Variants in THY1 observed in about 807,000 individuals in gnomAD.
THY1 encodes the protein Thy-1 cell surface antigen, also known as thy-1 membrane glycoprotein.
In THY1, 10 loss-of-function variants were observed where a neutral mutation model predicts 14.9. The ratio of observed to expected loss-of-function variants is 0.67; its 90% CI spans 0.41 to 1.14. The LOEUF (loss-of-function observed/expected upper bound fraction) is 1.14, where lower values mean the gene tolerates loss of function less well. THY1 is among the 50% of genes most tolerant of loss of function. The pLI is 0.00. For missense variants in THY1, 159 were observed against 202.1 expected (o/e 0.79, Z 1.29); for synonymous variants, 80 against 90.0 (o/e 0.89, Z 0.63).
In THY1 at chr11:119,415,643, C is replaced by T. The variant is rs1861758860; in HGVS notation, c.*3765G>A. On this transcript the variant is annotated 3_prime_UTR_variant, in exon 4 of 4. Coordinates refer to ENST00000284240, the MANE Select transcript of THY1 (RefSeq NM_006288.5). ...GCCTCCATGAAGCTGCCACATTGGT[C>T]CTACCCACCCTCCATATGATGTGTC... 1.3e-5 allele frequency among the ~76,000 whole-genome samples: 2 copies of T among 152,214 alleles called. No individual in the cohort carries two copies. The highest frequency in any genetic ancestry group is 2.9e-5 in the Non-Finnish European group (2 of 68,038).
Position 119,417,377 on chromosome 11 carries a change from A to G in THY1, c.*2031T>C, listed in dbSNP as rs1861798754. 1.3e-5 allele frequency: 2 copies of G among 152,372 alleles called. No homozygotes were observed. The allele number at this position is 152,372 out of a possible 1,614,324, so 9.4% of individuals were successfully genotyped here. ...GGTAGCAAGAGTGGGAGCCGGTGGC[A>G]TAATTTAGATCTGAGGCCTTTAAGA... is the stretch of plus-strand genomic sequence containing the variant. On this transcript the variant is annotated 3_prime_UTR_variant, in exon 4 of 4. Transcript: ENST00000284240.
At position 119,420,930 on chromosome 11, in the gene THY1, C is replaced by T; in HGVS notation, c.-24-1G>A. The T allele has an allele frequency of 6.2e-7, 1 of 1,614,104 alleles. No homozygotes were observed. ...TGGTTCTGGGATCTCAGTCCTGGAT[C>T]TGGGGTGGGAACAGGATGGGAATCA... On this transcript the variant is annotated splice_acceptor_variant, in intron 1 of 3. Transcript: ENST00000284240. LOFTEE classifies it low-confidence loss of function (5UTR_SPLICE).
intron 2 of THY1, 153 bp downstream of exon 2, chr11:119,420,716 G>T: frequency 1.0e-6 from 1 of 962,742 alleles, no homozygotes; most frequent in Non-Finnish European, 1.6e-6. Flanking sequence ...CAGGCCGTCA[G>T]AATATCAGCG....
rs773640946 is a variant in THY1, at chr11:119,416,620, G to A, written c.*2788C>T. Reference sequence around the variant, plus strand: ...CTCCTGAGTAGCTGGGATTACAGGCGCAGGCCACCATGCCTGGCTAATTTT... The same window carrying A: ...CTCCTGAGTAGCTGGGATTACAGGCACAGGCCACCATGCCTGGCTAATTTT... On this transcript the variant is annotated 3_prime_UTR_variant, in exon 4 of 4. Transcript: ENST00000284240. 2.9e-4 allele frequency among the ~76,000 whole-genome samples: 44 copies of A among 152,116 alleles called. No homozygotes were observed. The highest frequency in any genetic ancestry group is 5.3e-4 in the Non-Finnish European group (36 of 68,016).
chr11:119,419,328 G>T lies in THY1; in HGVS notation c.*80C>A. 1 of 1,275,422 alleles carries T rather than the reference G, an allele frequency of 7.8e-7. No individual in the cohort carries two copies. Among genetic ancestry groups the T allele is most frequent in the Non-Finnish European group, 1.1e-6 (1 of 891,444 alleles). 79.0% of individuals were successfully genotyped at this position (1,275,422 alleles called of 1,614,324 possible). On this transcript the variant is annotated 3_prime_UTR_variant, in exon 4 of 4. Transcript: ENST00000284240. ...TCCTCAAGGTTTGAGGGATTGGGGG[G>T]AGGGGGTCAGCTGACTCAGAGAAGT...
In THY1 at chr11:119,417,664, C is replaced by T. The variant is rs1017410660; in HGVS notation, c.*1744G>A. On this transcript the variant is annotated 3_prime_UTR_variant, in exon 4 of 4. Coordinates refer to ENST00000284240, the MANE Select transcript of THY1 (RefSeq NM_006288.5). ...GGCCTCAGTGTTCCCTCCCTACTCC[C>T]GAAGGGACAGTATTTGTCCCCAGTC... is the stretch of plus-strand genomic sequence containing the variant. The T allele has an allele frequency of 1.2e-4, 19 of 152,306 alleles. No individual in the cohort carries two copies. The highest frequency in any genetic ancestry group is 4.1e-4 in the African/African-American group (17 of 41,556). The allele number at this position is 152,306 out of a possible 1,614,324, so 9.4% of individuals were successfully genotyped here. A position where few individuals can be genotyped will look rare whatever the true frequency, so the allele number is the denominator to read the frequency against.
chr11:119,423,475 C>G (rs1348447993), upstream of THY1: 1 of 346,466 alleles, frequency 2.9e-6, no homozygotes, highest in Non-Finnish European at 5.7e-6. Flanking sequence ...ATGGTTGTTC[C>G]CCTTTTAAGG....
chr11:119,421,253 C>A (rs185683519), intron 1 of THY1: 20 of 235,706 alleles, frequency 8.5e-5, no homozygotes, highest in East Asian at 6.9e-4. Context: ...AATATAAGAC[C>A]TATGAGGGCT....
chr11:119,421,932 G>C (rs1861910029), intron 1 of THY1: 2 of 152,400 alleles, frequency 1.3e-5, no homozygotes, highest in African/African-American at 4.8e-5. Flanking sequence ...TAGGCTGTCT[G>C]CCTGGTCTTT....
intron 3 of THY1, 50 bp downstream of exon 3, chr11:119,420,001 C>T: frequency 6.4e-7 from 1 of 1,563,928 alleles, no homozygotes; most frequent in Non-Finnish European, 8.7e-7. Flanking sequence ...CCTGCTGTCC[C>T]CGAGCCTGGC....
chr11:119,424,476 G>T (rs1250401920), upstream of THY1, among the ~76,000 whole-genome samples: 2 of 152,174 alleles, frequency 1.3e-5, no homozygotes, highest in East Asian at 3.9e-4. Flanking sequence ...TACTGCAGTG[G>T]CACTGTTGGA....
Position 119,419,209 on chromosome 11 carries a change from G to C in THY1, c.*199C>G, listed in dbSNP as rs112225059. ...AACAAAAAGTACAAAAAGACAGCCA[G>C]AGGTGTGCGGAGAGGGTGAGGTGGC... On this transcript the variant is annotated 3_prime_UTR_variant, in exon 4 of 4. Coordinates refer to ENST00000284240, the MANE Select transcript of THY1 (RefSeq NM_006288.5). 2.0e-5 allele frequency: 13 copies of C among 646,898 alleles called. No homozygotes were observed. The highest frequency in any genetic ancestry group is 3.6e-5 in the African/African-American group (2 of 55,662). 40.1% of individuals were successfully genotyped at this position (646,898 alleles called of 1,614,324 possible).
intron 3 of THY1, 86 bp downstream of exon 3, chr11:119,419,962 TCTC>T (rs1329540654): frequency 2.5e-5 from 34 of 1,358,972 alleles, no homozygotes; most frequent in Middle Eastern, 2.0e-4. Context: ...ATGGGGCTAT[TCTC>T]CTCTCTAGTC....
At position 119,417,464 on chromosome 11, in the gene THY1, A is replaced by G. The variant is rs983335605; in HGVS notation, c.*1944T>C. On this transcript the variant is annotated 3_prime_UTR_variant, in exon 4 of 4. Coordinates refer to ENST00000284240, the MANE Select transcript of THY1 (RefSeq NM_006288.5). ...ATATCAGATGAGTCAGCCTCTGGGC[A>G]GCTGTCACCTTCCTCCCCCAAATTC... 6.6e-6 allele frequency: 1 copy of G among 152,210 alleles called. No individual in the cohort carries two copies. The highest frequency in any genetic ancestry group is 2.4e-5 in the African/African-American group (1 of 41,444). The allele number at this position is 152,210 out of a possible 1,614,324, so 9.4% of individuals were successfully genotyped here.
chr11:119,421,521 TCC>T (rs897177348), intron 1 of THY1: 4 of 152,212 alleles, frequency 2.6e-5, no homozygotes, highest in Non-Finnish European at 4.4e-5. Flanking sequence ...CAAAACCGTT[TCC>T]GTTTGCAGAT....
chr11:119,424,324 A>G (rs1861977049), upstream of THY1, among the ~76,000 whole-genome samples: 1 of 152,186 alleles, frequency 6.6e-6, no homozygotes, highest in South Asian at 2.1e-4. Flanking sequence ...TTTTGAACTA[A>G]CGTTTATTTG....
upstream of THY1, chr11:119,423,736 C>T (rs1310596899): frequency 6.4e-6 from 1 of 155,386 alleles, no homozygotes; most frequent in Non-Finnish European, 1.4e-5. Flanking sequence ...CTGTCCGTCC[C>T]TGGTCCCCAG....
chr11:119,422,416 G>A lies in THY1; in HGVS notation c.-25+697C>T, dbSNP rs1446710941. The A allele has an allele frequency of 6.5e-6, 1 of 153,022 alleles. No homozygotes were observed. The highest frequency in any genetic ancestry group is 1.5e-5 in the Non-Finnish European group (1 of 68,702). 9.5% of individuals were successfully genotyped at this position (153,022 alleles called of 1,614,324 possible). On this transcript the variant is annotated intron_variant, in intron 1 of 3. Transcript: ENST00000284240. This position sits in a 1 kb window ranked among gnomAD's most constrained non-coding sequence, Gnocchi z 7.0. The stretch of plus-strand genomic sequence containing the variant: ...GCCAGGGGAGGGGTGGAGAGCGGCT[G>A]GGGAGGTGCAGTCTGTATTCATTTC...
chr11:119,421,113 CAAGG>C (rs1388520740), intron 1 of THY1, 184 bp from the exon 2 acceptor site: 3 of 550,656 alleles, frequency 5.4e-6, no homozygotes, highest in Middle Eastern at 4.8e-4. Context: ...TCAGGGAAAG[CAAGG>C]AAGGAGGGAG....
Sources: gnomAD v4.1 joint callset for allele counts (sites outside exome capture counted in the v4.1 genomes callset) on GRCh38, gnomAD v4.1.1 for gene constraint, Gnocchi (gnomAD v3.1) non-coding constraint, MANE v1.5 for transcripts, NCBI Gene and HGNC (gene_info 2026-07-23, HGNC 2026-07-21) for gene names.